SNURF: variants seen among roughly 807,000 people sequenced by gnomAD.
SNURF encodes SNRPN upstream open reading frame.
A neutral mutation model predicts 11.6 loss-of-function variants in SNURF; 6 were observed. That is an observed-to-expected ratio of 0.52 (90% CI 0.28 to 1.02). The LOEUF (loss-of-function observed/expected upper bound fraction) is 1.02. Ranked by LOEUF, SNURF falls within the 50% of genes least tolerant of loss-of-function variation. The probability of loss-of-function intolerance (pLI) is 0.09; values close to 1 mark genes in which losing one functional copy is unlikely to be tolerated. For synonymous variants in SNURF, 29 were observed against 31.6 expected (o/e 0.92, Z 0.27); for missense variants, 84 against 88.4 (o/e 0.95, Z 0.20).
Position 24,959,836 on chromosome 15 carries a change from C to A in SNURF, c.15-2278C>A, listed in dbSNP as rs140243570. ...ATTATGAATAATGCTACTAGGAACA[C>A]GTATAATACGTTTAATACAAAGAAT... On this transcript the variant is annotated intron_variant, in intron 1 of 2. Coordinates refer to ENST00000577949, the Ensembl canonical transcript of SNURF. Among the ~76,000 whole-genome samples, 364 of 152,274 alleles carry A rather than the reference C, an allele frequency of 2.4e-3. 2 individuals are homozygous for A. Among genetic ancestry groups the A allele is most frequent in the African/African-American group, 8.3e-3 (346 of 41,560 alleles).
chr15:24,974,617 AT>A, intron 3 of SNURF: 1 of 735,924 alleles, frequency 1.4e-6, no homozygotes, highest in South Asian at 1.6e-5. Context: ...AGATGAGCTG[AT>A]TTTTTTATTT....
chr15:24,972,423 CTTTG>C (rs531863826), downstream of SNURF, among the ~76,000 whole-genome samples: 153 of 151,448 alleles, frequency 1.0e-3, no homozygotes, highest in African/African-American at 3.5e-3. Flanking sequence ...TTGTGGAGGT[CTTTG>C]TTTGCTTATT....
chr15:24,970,499 A>G (rs2076265043), downstream of SNURF, among the ~76,000 whole-genome samples: 1 of 152,180 alleles, frequency 6.6e-6, no homozygotes, highest in Non-Finnish European at 1.5e-5. Context: ...GAATTTCTTG[A>G]ACCCTAGGGG....
intron 1 of SNURF, among the ~76,000 whole-genome samples, chr15:24,959,924 G>C (rs879099000): frequency 6.6e-6 from 1 of 152,092 alleles, no homozygotes; most frequent in Non-Finnish European, 1.5e-5. Context: ...TGTCTTTTTG[G>C]AAGTATGAGA....
downstream of SNURF, among the ~76,000 whole-genome samples, chr15:24,972,934 C>T (rs1331654604): frequency 1.3e-5 from 2 of 152,184 alleles, no homozygotes; most frequent in African/African-American, 4.8e-5. Flanking sequence ...GTTGCCCAGG[C>T]TGGAGTACAG....
chr15:24,973,742 G>A (rs539880786), downstream of SNURF, among the ~76,000 whole-genome samples: 6 of 152,230 alleles, frequency 3.9e-5, no homozygotes, highest in South Asian at 1.2e-3. Context: ...CTTGATCTAT[G>A]AAAGTTGTTT....
At chr15:24,955,772 C>CG (rs1241340290) in intron 1 of SNURF, among the ~76,000 whole-genome samples, 1 of 150,346 alleles carries the variant, frequency 6.7e-6, no homozygotes, top group African/African-American at 2.5e-5. Flanking sequence ...GTATTGGCGG[C>CG]GGTGGGCATT....
At chr15:24,957,540 C>T (rs1372880101) in intron 1 of SNURF, among the ~76,000 whole-genome samples, 3 of 152,142 alleles carry the variant, frequency 2.0e-5, no homozygotes, top group Non-Finnish European at 4.4e-5. Context: ...TCTTCCTTTG[C>T]AGGATTTTCA....
intron 1 of SNURF, among the ~76,000 whole-genome samples, chr15:24,958,546 G>C (rs867760021): frequency 9.1e-6 from 1 of 109,432 alleles, no homozygotes; most frequent in South Asian, 3.3e-4. Flanking sequence ...TCCCTATGTT[G>C]TCCAGGCTGA....
At chr15:24,962,806 T>G (rs939530140) in intron 2 of SNURF, among the ~76,000 whole-genome samples, 3 of 152,190 alleles carry the variant, frequency 2.0e-5, no homozygotes, top group Non-Finnish European at 2.9e-5. Context: ...ACATTGAAAC[T>G]TTGGCATTTT....
At position 24,965,807 on chromosome 15, in the gene SNURF, G is replaced by A. The variant is rs1046694397; in HGVS notation, c.111-2125G>A. On this transcript the variant is annotated intron_variant, in intron 2 of 2. Coordinates refer to ENST00000577949, the Ensembl canonical transcript of SNURF. ...GTCTTTAATCTTCTATTGGGTTACA[G>A]GTTAGATCTGAGGGGGACATTGCAA... is the stretch of plus-strand genomic sequence containing the variant. 2.6e-5 allele frequency among the ~76,000 whole-genome samples: 4 copies of A among 152,034 alleles called. No individual in the cohort carries two copies. In the South Asian group the frequency reaches 8.3e-4, roughly 32 times the overall value.
chr15:24,971,224 C>T (rs2076360143), downstream of SNURF, among the ~76,000 whole-genome samples: 1 of 152,066 alleles, frequency 6.6e-6, no homozygotes. Context: ...GCTTATGTGC[C>T]CTTTGATCTC....
chr15:24,970,181 T>G (rs2076222059), downstream of SNURF, among the ~76,000 whole-genome samples: 2 of 152,212 alleles, frequency 1.3e-5, no homozygotes, highest in African/African-American at 4.8e-5. Context: ...CATGTTAAAG[T>G]CTGCTGTGGA....
At chr15:24,974,481 G>A in intron 3 of SNURF, 1 of 1,611,488 alleles carries the variant, frequency 6.2e-7, no homozygotes, top group Non-Finnish European at 8.5e-7. Context: ...AAGGCTGAGG[G>A]TTGAAATGTG....
At chr15:24,959,544 G>C (rs748779343) in intron 1 of SNURF, among the ~76,000 whole-genome samples, 3 of 152,192 alleles carry the variant, frequency 2.0e-5, no homozygotes, top group Non-Finnish European at 4.4e-5. Flanking sequence ...CTTTCATATT[G>C]AGCAACTGCC....
downstream of SNURF, chr15:24,978,265 C>T (rs764893207): frequency 3.7e-6 from 6 of 1,613,908 alleles, no homozygotes; most frequent in South Asian, 4.4e-5. Flanking sequence ...GCTCGAGGGA[C>T]GCCAATAGGC....
intron 1 of SNURF, among the ~76,000 whole-genome samples, chr15:24,955,754 G>GGC: frequency 6.6e-6 from 1 of 151,278 alleles, no homozygotes; most frequent in African/African-American, 2.4e-5. Context: ...GGAAGGCGGC[G>GGC]ACAGTGGGTA....
chr15:24,972,603 G>C (rs888392971), downstream of SNURF, among the ~76,000 whole-genome samples: 94 of 148,946 alleles, frequency 6.3e-4, 1 homozygote, highest in Non-Finnish European at 2.1e-4. Context: ...GAGTGCAATG[G>C]TGCGATCTCC....
At chr15:24,963,294 A>G (rs1414227546) in intron 2 of SNURF, among the ~76,000 whole-genome samples, 1 of 152,188 alleles carries the variant, frequency 6.6e-6, no homozygotes, top group Admixed American at 6.5e-5. Flanking sequence ...TTGTTTGGCT[A>G]TTAACAATGA....
Sources: allele counts gnomAD v4.1 joint callset (sites outside exome capture counted in the v4.1 genomes callset), GRCh38; gene constraint gnomAD v4.1.1; transcripts MANE v1.5; gene names NCBI Gene and HGNC (gene_info 2026-07-23, HGNC 2026-07-21).